SCFD2: variants seen among roughly 807,000 people sequenced by gnomAD.
SCFD2 encodes the protein sec1 family domain-containing protein 2.
In SCFD2, 54 loss-of-function variants were observed where a neutral mutation model predicts 58.9. That is an observed-to-expected ratio of 0.92 (90% confidence interval 0.74 to 1.15). The LOEUF is 1.15. Ranked by LOEUF, SCFD2 falls within the 50% of genes most tolerant of loss-of-function variation. The pLI is 0.00. For synonymous variants in SCFD2, 321 were observed against 335.9 expected (o/e 0.96, Z 0.49); for missense variants, 805 against 836.6 (o/e 0.96, Z 0.47).
chr4:52,979,934 C>T (rs1051883112), intron 5 of SCFD2, among the ~76,000 whole-genome samples: 3 of 152,080 alleles, frequency 2.0e-5, no homozygotes, highest in Non-Finnish European at 4.4e-5. Context: ...CTGTTCCCCT[C>T]ATTTAGGTTC....
At position 53,225,661 on chromosome 4, in the gene SCFD2, C is replaced by T. The variant is rs145556404; in HGVS notation, c.1311+48165G>A. On this transcript the variant is annotated intron_variant, in intron 4 of 8. Transcript: ENST00000401642. ...ACTACCTGACATAAATTTTTGTATT[C>T]TAAAGACTTAATGAATTTGCTATTA... Among the ~76,000 whole-genome samples the T allele has an allele frequency of 1.5e-3, 227 of 152,262 alleles. 2 individuals carry two copies. Among genetic ancestry groups the T allele is most frequent in the Admixed American group, 4.1e-3 (63 of 15,306 alleles).
intron 4 of SCFD2, among the ~76,000 whole-genome samples, chr4:53,241,681 T>A (rs1176470326): frequency 6.6e-6 from 1 of 152,198 alleles, no homozygotes; most frequent in Non-Finnish European, 1.5e-5. Context: ...AACCTTGCCT[T>A]CCGTCCCATG....
intron 4 of SCFD2, among the ~76,000 whole-genome samples, chr4:53,215,620 A>T (rs1292999790): frequency 6.6e-6 from 1 of 152,044 alleles, no homozygotes; most frequent in Non-Finnish European, 1.5e-5. Flanking sequence ...CTCTTTTCCT[A>T]ACTGAATGCC....
At chr4:52,949,960 C>G (rs541335855) in intron 5 of SCFD2, 1 of 152,266 alleles carries the variant, frequency 6.6e-6, no homozygotes, top group East Asian at 1.9e-4. Flanking sequence ...CTGTACAAAC[C>G]TACCTGCAGG....
chr4:53,095,245 G>C (rs1724585776), intron 5 of SCFD2, among the ~76,000 whole-genome samples: 1 of 152,036 alleles, frequency 6.6e-6, no homozygotes, highest in African/African-American at 2.4e-5. Flanking sequence ...ATGCCCCAAA[G>C]TGAACTTATG....
At chr4:53,249,856 G>T (rs1226213540) in intron 4 of SCFD2, among the ~76,000 whole-genome samples, 3 of 152,178 alleles carry the variant, frequency 2.0e-5, no homozygotes, top group Admixed American at 6.5e-5. Flanking sequence ...ATGACAAATT[G>T]TAAAGACCAT....
rs1343611624 is a variant in SCFD2 at position 53,239,358 on chromosome 4, G to C, written c.1311+34468C>G. ...GACCGTGGAAAGAGAGGGAGAGGGA[G>C]ACCATGGAAAGAGAGGGAGAGGGAG... On this transcript the variant is annotated intron_variant, in intron 4 of 8. Transcript: ENST00000401642. 2.6e-5 allele frequency among the ~76,000 whole-genome samples: 4 copies of C among 151,004 alleles called. No individual in the cohort carries two copies. In the Admixed American group the frequency reaches 2.7e-4, roughly 10 times the overall value.
In SCFD2 at chr4:53,160,469, T is replaced by A. The variant is rs141472279; in HGVS notation, c.1312-14887A>T. 1.7e-3 allele frequency among the ~76,000 whole-genome samples: 262 copies of A among 152,316 alleles called. 1 individual carries two copies. The highest frequency in any genetic ancestry group is 6.0e-3 in the African/African-American group (249 of 41,578). On this transcript the variant is annotated intron_variant, in intron 4 of 8. Coordinates refer to ENST00000401642, the MANE Select transcript of SCFD2 (RefSeq NM_152540.4). Reference sequence around the variant, plus strand: ...GGCAGTGGTTTGTTGCTAGACTGAATACGGAGTATAAGCAAAAGAGTCTAG... The same window carrying A: ...GGCAGTGGTTTGTTGCTAGACTGAAAACGGAGTATAAGCAAAAGAGTCTAG...
intron 4 of SCFD2, among the ~76,000 whole-genome samples, chr4:53,225,007 T>C (rs1729160674): frequency 6.6e-6 from 1 of 152,212 alleles, no homozygotes; most frequent in Non-Finnish European, 1.5e-5. Context: ...TTTTAACAAC[T>C]ATAACATGCA....
At chr4:52,884,600 C>T (rs1350088111) in intron 8 of SCFD2, among the ~76,000 whole-genome samples, 1 of 152,142 alleles carries the variant, frequency 6.6e-6, no homozygotes, top group African/African-American at 2.4e-5. Context: ...TTCACTTCTG[C>T]TTCTTGGGAT....
intron 5 of SCFD2, among the ~76,000 whole-genome samples, chr4:53,109,590 G>T (rs1484406336): frequency 6.6e-6 from 1 of 152,086 alleles, no homozygotes; most frequent in African/African-American, 2.4e-5. Flanking sequence ...AAAACAGAGA[G>T]CCAAATCATG....
chr4:52,914,557 G>A (rs2109478745), intron 6 of SCFD2, among the ~76,000 whole-genome samples: 1 of 152,230 alleles, frequency 6.6e-6, no homozygotes, highest in South Asian at 2.1e-4. Context: ...CCCCTGATGG[G>A]GAGCTACTTT....
At chr4:52,927,265 G>A (rs1014340862) in intron 5 of SCFD2, among the ~76,000 whole-genome samples, 23 of 150,854 alleles carry the variant, frequency 1.5e-4, no homozygotes, top group Non-Finnish European at 3.1e-4. Flanking sequence ...AAATATAAAT[G>A]TGTTTTCATT....
intron 4 of SCFD2, among the ~76,000 whole-genome samples, chr4:53,213,446 C>T (rs867401745): frequency 2.0e-4 from 30 of 152,082 alleles, no homozygotes; most frequent in African/African-American, 6.8e-4. Flanking sequence ...GAAATTAAAA[C>T]CAGAGTGACT....
intron 5 of SCFD2, among the ~76,000 whole-genome samples, chr4:53,042,271 C>G (rs189682385): frequency 6.6e-6 from 1 of 152,244 alleles, no homozygotes; most frequent in East Asian, 1.9e-4. Context: ...TTTCAACCAT[C>G]TGCTATTATA....
At chr4:53,155,319 G>C (rs185471138) in intron 4 of SCFD2, among the ~76,000 whole-genome samples, 121 of 152,270 alleles carry the variant, frequency 7.9e-4, no homozygotes, top group African/African-American at 2.8e-3. Flanking sequence ...TACCCTCATG[G>C]GTGGGACTGG....
rs532116005 is a variant in SCFD2, at chr4:53,365,368, G to A, written c.574C>T (p.Pro192Ser). 3.1e-6 allele frequency: 5 copies of A among 1,614,182 alleles called. No homozygotes were observed. The highest frequency in any genetic ancestry group is 1.7e-5 in the Admixed American group (1 of 60,020). Residue 192 changes from proline to serine, a missense_variant, in exon 1 of 9, where the codon CCG (proline) becomes TCG (serine). Transcript: ENST00000401642. The surrounding 1 kb of genome is among the most constrained non-coding windows in gnomAD (Gnocchi z 4.3). ...AGGCTTCCCAGCTTCCTCTTGTCCG[G>A]TCGGGCGCTATTAAGGAGGTGCACA... ...QDVHLLNSAR[P>S]DKRKLGSLGD...
chr4:53,187,743 A>T (rs1727779386), intron 4 of SCFD2, among the ~76,000 whole-genome samples: 1 of 152,166 alleles, frequency 6.6e-6, no homozygotes, highest in Non-Finnish European at 1.5e-5. Flanking sequence ...ATATACACAC[A>T]CAAGAAAGAT....
In SCFD2 at chr4:53,187,594, T is replaced by C. The variant is rs541347116; in HGVS notation, c.1312-42012A>G. Among the ~76,000 whole-genome samples, 3 of 152,218 alleles carry C rather than the reference T, an allele frequency of 2.0e-5. No individual in the cohort carries two copies. In the South Asian group the frequency reaches 6.2e-4, roughly 32 times the overall value. On this transcript the variant is annotated intron_variant, in intron 4 of 8. Transcript: ENST00000401642. ...GACTAGTTAGTAAACTAAATACCTT[T>C]ACAAAACTGACTGCTGTGATCTTGT... is the stretch of plus-strand genomic sequence containing the variant.
Sources: allele counts gnomAD v4.1 joint callset (sites outside exome capture counted in the v4.1 genomes callset), GRCh38; gene constraint gnomAD v4.1.1; non-coding constraint Gnocchi (gnomAD v3.1); transcripts MANE v1.5; gene names NCBI Gene and HGNC (gene_info 2026-07-23, HGNC 2026-07-21).